The following MACROD2 variants were observed in gnomAD, a reference collection of about 807,000 sequenced individuals.
MACROD2 encodes the protein ADP-ribose glycohydrolase MACROD2.
A neutral mutation model predicts 70.4 loss-of-function variants in MACROD2; 36 were observed. The ratio of observed to expected loss-of-function variants is 0.51; its 90% CI spans 0.39 to 0.68. The LOEUF is 0.68. Ranked by LOEUF, MACROD2 falls within the 30% of genes least tolerant of loss-of-function variation. The pLI, the probability that MACROD2 is intolerant of heterozygous loss-of-function variation, is 0.00. For missense variants in MACROD2, 496 were observed against 538.4 expected, an observed-to-expected ratio of 0.92 and a Z score of 0.78; for synonymous variants, 172 against 178.8, an observed-to-expected ratio of 0.96 and a Z score of 0.30.
intron 6 of MACROD2, among the ~76,000 whole-genome samples, chr20:15,413,626 A>C (rs74380740): frequency 2.0e-5 from 3 of 152,138 alleles, no homozygotes; most frequent in Non-Finnish European, 4.4e-5. Context: ...CTTTAGTGGG[A>C]TTTTAAAAAA....
chr20:14,860,724 G>A (rs1361662832), intron 5 of MACROD2, among the ~76,000 whole-genome samples: 12 of 152,100 alleles, frequency 7.9e-5, no homozygotes, highest in Admixed American at 7.9e-4. Context: ...CTGCTGAGAT[G>A]CTCCCTTCCA....
chr20:15,840,750 T>C (rs1246820650), intron 8 of MACROD2, among the ~76,000 whole-genome samples: 2 of 152,026 alleles, frequency 1.3e-5, no homozygotes, highest in African/African-American at 4.8e-5. Flanking sequence ...ACACATTGAC[T>C]AACTCTACTG....
At chr20:15,054,946 C>CTTTTTTTT (rs10673344) in intron 5 of MACROD2, among the ~76,000 whole-genome samples, 1 of 120,754 alleles carries the variant, frequency 8.3e-6, no homozygotes, top group Non-Finnish European at 1.7e-5. Flanking sequence ...CCACATCTAG[C>CTTTTTTTT]TTTTTTTTTT....
intron 5 of MACROD2, among the ~76,000 whole-genome samples, chr20:15,051,682 G>T (rs996430275): frequency 6.6e-6 from 1 of 151,634 alleles, no homozygotes; most frequent in East Asian, 1.9e-4. Context: ...ATCTTGGTTA[G>T]TGTTTAATTG....
chr20:15,320,385 T>C (rs2077861875), intron 6 of MACROD2, among the ~76,000 whole-genome samples: 1 of 152,204 alleles, frequency 6.6e-6, no homozygotes, highest in South Asian at 2.1e-4. Flanking sequence ...AATCCTTCAC[T>C]CAAAATGGTT....
chr20:14,863,502 T>C (rs1202386867), intron 5 of MACROD2, among the ~76,000 whole-genome samples: 2 of 152,126 alleles, frequency 1.3e-5, no homozygotes, highest in East Asian at 3.9e-4. Context: ...ACAAATACAG[T>C]TTGACCAACT....
intron 5 of MACROD2, among the ~76,000 whole-genome samples, chr20:14,716,213 T>C (rs1002076831): frequency 1.1e-4 from 16 of 152,190 alleles, no homozygotes; most frequent in African/African-American, 1.4e-4. Context: ...AAATAAAAGA[T>C]AGTTTTTTAA....
intron 4 of MACROD2, among the ~76,000 whole-genome samples, chr20:14,655,814 CT>C (rs1395209406): frequency 6.6e-6 from 1 of 152,144 alleles, no homozygotes; most frequent in East Asian, 1.9e-4. Context: ...AAAATTGTTG[CT>C]GTCAAGCATT....
intron 3 of MACROD2, among the ~76,000 whole-genome samples, chr20:14,235,174 T>A (rs1246087647): frequency 6.6e-6 from 1 of 152,178 alleles, no homozygotes; most frequent in Admixed American, 6.5e-5. Flanking sequence ...AGACTAATAT[T>A]TTCAAACGTG....
chr20:15,445,160 C>G (rs562853938), intron 7 of MACROD2, among the ~76,000 whole-genome samples: 63 of 152,244 alleles, frequency 4.1e-4, no homozygotes, highest in African/African-American at 1.4e-3. Flanking sequence ...AGTCAGTGGT[C>G]CCTTATCATG....
At chr20:15,859,033 T>A (rs2064390014) in intron 8 of MACROD2, among the ~76,000 whole-genome samples, 1 of 152,202 alleles carries the variant, frequency 6.6e-6, no homozygotes, top group Admixed American at 6.5e-5. Context: ...AAAGATTGAT[T>A]AACACATATT....
intron 5 of MACROD2, among the ~76,000 whole-genome samples, chr20:15,135,884 A>G (rs2076143475): frequency 6.6e-6 from 1 of 151,884 alleles, no homozygotes; most frequent in East Asian, 1.9e-4. Context: ...ATACAAAATC[A>G]ATGTACCAAA....
intron 5 of MACROD2, among the ~76,000 whole-genome samples, chr20:14,970,136 T>C (rs1459406440): frequency 6.6e-6 from 1 of 152,086 alleles, no homozygotes. Flanking sequence ...AAGGCACCTC[T>C]TCACAGGGCA....
At chr20:15,879,240 G>T (rs1025128213) in intron 9 of MACROD2, among the ~76,000 whole-genome samples, 1 of 152,010 alleles carries the variant, frequency 6.6e-6, no homozygotes, top group Non-Finnish European at 1.5e-5. Context: ...GTTTAAAAGG[G>T]CTGCAACTCT....
At chr20:14,529,329 C>T (rs2085274369) in intron 4 of MACROD2, among the ~76,000 whole-genome samples, 1 of 151,988 alleles carries the variant, frequency 6.6e-6, no homozygotes, top group Admixed American at 6.6e-5. Context: ...AATTAAGAAC[C>T]CAGGTCTCTT....
chr20:15,532,249 A>T (rs1299097908), intron 8 of MACROD2, among the ~76,000 whole-genome samples: 5 of 152,166 alleles, frequency 3.3e-5, no homozygotes, highest in Non-Finnish European at 7.4e-5. Flanking sequence ...CATAGGACAT[A>T]CTTATACTAA....
At chr20:15,278,553 A>T (rs1422756914) in intron 6 of MACROD2, among the ~76,000 whole-genome samples, 2 of 152,182 alleles carry the variant, frequency 1.3e-5, no homozygotes, top group African/African-American at 4.8e-5. Flanking sequence ...AGCTACTGAA[A>T]TAGTAATAGA....
chr20:14,801,388 G>A (rs558215165), intron 5 of MACROD2, among the ~76,000 whole-genome samples: 1 of 152,210 alleles, frequency 6.6e-6, no homozygotes, highest in Non-Finnish European at 1.5e-5. Flanking sequence ...TAGTCAAAGG[G>A]CAGATTTTGT....
At chr20:15,280,764 A>G (rs1176237813) in intron 6 of MACROD2, 1 of 152,162 alleles carries the variant, frequency 6.6e-6, no homozygotes, top group Non-Finnish European at 1.5e-5. Flanking sequence ...AATATATCCC[A>G]TTCAGATTTT....
Sources: allele counts gnomAD v4.1 joint callset (sites outside exome capture counted in the v4.1 genomes callset), GRCh38; gene constraint gnomAD v4.1.1; transcripts MANE v1.5; gene names NCBI Gene and HGNC (gene_info 2026-07-23, HGNC 2026-07-21).